The following ZNF385B variants were observed in gnomAD, a reference collection of about 807,000 sequenced individuals.
The protein encoded by ZNF385B is zinc finger protein 385B, also known as zinc finger protein 533.
ZNF385B carries 23 observed loss-of-function variants against 39.2 expected under a neutral mutation model. The ratio of observed to expected loss-of-function variants is 0.59; its 90% CI spans 0.42 to 0.83. The LOEUF (loss-of-function observed/expected upper bound fraction) is 0.83. ZNF385B is among the 40% of genes least tolerant of loss of function. The pLI, the probability that ZNF385B is intolerant of heterozygous loss-of-function variation, is 0.00. For synonymous variants in ZNF385B, 205 were observed against 222.6 expected (o/e 0.92, Z 0.70); for missense variants, 552 against 598.9 (o/e 0.92, Z 0.82).
intron 3 of ZNF385B, among the ~76,000 whole-genome samples, chr2:179,591,519 A>G (rs1200617248): frequency 1.3e-5 from 2 of 152,064 alleles, no homozygotes; most frequent in African/African-American, 4.8e-5. Flanking sequence ...TTTAATGTTC[A>G]TCTCTAGAAA....
intron 5 of ZNF385B, among the ~76,000 whole-genome samples, chr2:179,513,396 T>C (rs2057833548): frequency 6.6e-6 from 1 of 152,182 alleles, no homozygotes; most frequent in South Asian, 2.1e-4. Flanking sequence ...ATTTCTTTCT[T>C]CATTATCAAA....
chr2:179,737,674 T>G (rs774125297), intron 3 of ZNF385B, among the ~76,000 whole-genome samples: 15 of 152,250 alleles, frequency 9.9e-5, no homozygotes, highest in Non-Finnish European at 1.5e-4. Flanking sequence ...GGATAATTTC[T>G]GATTACATCA....
intron 3 of ZNF385B, among the ~76,000 whole-genome samples, chr2:179,728,536 G>C (rs1701169371): frequency 6.6e-6 from 1 of 152,084 alleles, no homozygotes; most frequent in South Asian, 2.1e-4. Context: ...CAGTGAGTGT[G>C]AAAAATACAC....
intron 3 of ZNF385B, among the ~76,000 whole-genome samples, chr2:179,670,906 T>C (rs1041417539): frequency 1.3e-5 from 2 of 152,240 alleles, no homozygotes; most frequent in African/African-American, 4.8e-5. Flanking sequence ...ATAACTGGAC[T>C]TAGTTTTCCT....
At chr2:179,707,277 CG>C (rs1699677008) in intron 3 of ZNF385B, among the ~76,000 whole-genome samples, 1 of 152,096 alleles carries the variant, frequency 6.6e-6, no homozygotes, top group South Asian at 2.1e-4. Flanking sequence ...GACATGGGGG[CG>C]GAGAGTATTA....
At chr2:179,733,549 G>A (rs1011656690) in intron 3 of ZNF385B, among the ~76,000 whole-genome samples, 2 of 152,126 alleles carry the variant, frequency 1.3e-5, no homozygotes, top group African/African-American at 2.4e-5. Flanking sequence ...TTGGGAGGCC[G>A]AGGCGGGCGG....
At chr2:179,771,205 T>G (rs1460660153) in intron 1 of ZNF385B, among the ~76,000 whole-genome samples, 2 of 152,162 alleles carry the variant, frequency 1.3e-5, no homozygotes, top group African/African-American at 4.8e-5. Context: ...ACAGTCCTTT[T>G]GATCCAAGTT....
chr2:179,599,721 CA>C (rs1688265171), intron 3 of ZNF385B, among the ~76,000 whole-genome samples: 1 of 152,118 alleles, frequency 6.6e-6, no homozygotes, highest in Admixed American at 6.5e-5. Context: ...CTAACTAGAT[CA>C]AACAAGTGAT....
intron 3 of ZNF385B, among the ~76,000 whole-genome samples, chr2:179,634,033 CT>C (rs1691490824): frequency 2.0e-5 from 3 of 152,114 alleles, no homozygotes; most frequent in Admixed American, 1.3e-4. Context: ...GGATCCCTTC[CT>C]TACACCTTAT....
rs112546276 is a variant in ZNF385B at position 179,757,381 on chromosome 2, G to A, written c.298+12122C>T. ...GGTGTCAGTCTGCCCCTACTGGGGG[G>A]TGCCTCCCAGTTAGGCTACTCGGGG... is the stretch of plus-strand genomic sequence containing the variant. On this transcript the variant is annotated intron_variant, in intron 3 of 9. Transcript: ENST00000410066. 4.6e-5 allele frequency among the ~76,000 whole-genome samples: 7 copies of A among 152,290 alleles called. 1 individual carries two copies. The highest frequency in any genetic ancestry group is 1.4e-4 in the African/African-American group (6 of 41,570).
At chr2:179,586,919 G>A (rs1201347558) in intron 3 of ZNF385B, among the ~76,000 whole-genome samples, 5 of 151,638 alleles carry the variant, frequency 3.3e-5, no homozygotes, top group African/African-American at 1.2e-4. Context: ...CGTGCCTGTA[G>A]TCCCAGCTAC....
At chr2:179,773,111 A>G (rs956994488) in intron 1 of ZNF385B, among the ~76,000 whole-genome samples, 22 of 152,332 alleles carry the variant, frequency 1.4e-4, no homozygotes, top group African/African-American at 4.3e-4. Context: ...AAATTTTCCA[A>G]TGTTACAACT....
At chr2:179,493,553 A>G (rs72950575) in intron 5 of ZNF385B, among the ~76,000 whole-genome samples, 77,062 of 112,868 alleles carry the variant, frequency 0.68, 24,361 homozygotes, top group South Asian at 0.77. Flanking sequence ...ATACGTGTAC[A>G]TGCACATATA....
At chr2:179,559,655 T>A (rs3112933) in intron 3 of ZNF385B, among the ~76,000 whole-genome samples, 102,158 of 151,890 alleles carry the variant, frequency 0.67, 35,051 homozygotes, top group East Asian at 0.95. Context: ...TTTTTTAATA[T>A]CATATAAAAT....
At chr2:179,704,571 T>C (rs1433936202) in intron 3 of ZNF385B, among the ~76,000 whole-genome samples, 1 of 152,088 alleles carries the variant, frequency 6.6e-6, no homozygotes. Flanking sequence ...CCAGGGAGAA[T>C]GTGAAGATGA....
At chr2:179,449,152 T>C (rs1222983727) in intron 6 of ZNF385B, among the ~76,000 whole-genome samples, 1 of 152,116 alleles carries the variant, frequency 6.6e-6, no homozygotes, top group Non-Finnish European at 1.5e-5. Flanking sequence ...AATTACAGCA[T>C]AGCAGGAGGA....
intron 3 of ZNF385B, among the ~76,000 whole-genome samples, chr2:179,671,252 T>C (rs1695958701): frequency 6.6e-6 from 1 of 152,200 alleles, no homozygotes; most frequent in South Asian, 2.1e-4. Context: ...AAATACTGAA[T>C]TCCTGCATGT....
chr2:179,691,877 A>G (rs1293557748), intron 3 of ZNF385B, among the ~76,000 whole-genome samples: 1 of 152,164 alleles, frequency 6.6e-6, no homozygotes, highest in Admixed American at 6.5e-5. Flanking sequence ...AATTATTATG[A>G]ATACATAATA....
chr2:179,730,327 A>C (rs1368862865), intron 3 of ZNF385B, among the ~76,000 whole-genome samples: 1 of 152,230 alleles, frequency 6.6e-6, no homozygotes, highest in Non-Finnish European at 1.5e-5. Flanking sequence ...CTGGTCTTCA[A>C]GAAGACATTC....
Sources: allele counts gnomAD v4.1 joint callset (sites outside exome capture counted in the v4.1 genomes callset), GRCh38; gene constraint gnomAD v4.1.1; transcripts MANE v1.5; gene names NCBI Gene and HGNC (gene_info 2026-07-23, HGNC 2026-07-21).